SPIRE2: variants seen among roughly 807,000 people sequenced by gnomAD.
SPIRE2 encodes spire type actin nucleation factor 2.
In SPIRE2, 76 loss-of-function variants were observed where a neutral mutation model predicts 80.7. That is an observed-to-expected ratio of 0.94 (90% confidence interval 0.78 to 1.14). The LOEUF is 1.14. Among genes scored for constraint, SPIRE2 ranks in the 50% most tolerant of loss-of-function variants. SPIRE2 has a pLI of 0.00. For missense variants in SPIRE2, 1,196 were observed against 1,015.3 expected (o/e 1.18, Z -2.42); for synonymous variants, 535 against 432.6 (o/e 1.24, Z -2.94).
intron 12 of SPIRE2, among the ~76,000 whole-genome samples, chr16:89,867,136 T>C (rs1283985974): frequency 1.3e-5 from 2 of 151,710 alleles, no homozygotes; most frequent in African/African-American, 4.8e-5. Context: ...TTTTTGTTGT[T>C]GTTGTTGTTT....
chr16:89,833,006 TG>T (rs71137681), intron 1 of SPIRE2, among the ~76,000 whole-genome samples: 9,590 of 45,178 alleles, frequency 0.21, 546 homozygotes, highest in East Asian at 0.53. Context: ...TTTTTTTTTT[TG>T]TGAGACAGAG....
chr16:89,831,382 A>T (rs1354996554), intron 1 of SPIRE2, among the ~76,000 whole-genome samples: 37 of 145,188 alleles, frequency 2.5e-4, no homozygotes, highest in African/African-American at 9.0e-4. Flanking sequence ...TGGATGCTAA[A>T]CTTTTTTTCT....
At chr16:89,857,759 G>C (rs1489788884) in intron 7 of SPIRE2, among the ~76,000 whole-genome samples, 1 of 151,662 alleles carries the variant, frequency 6.6e-6, no homozygotes, top group African/African-American at 2.4e-5. Context: ...TAGTAGAGAC[G>C]GGGTTTCTCC....
chr16:89,860,536 C>T lies in SPIRE2; in HGVS notation c.1463-147C>T, dbSNP rs2041733541. Reference sequence around the variant, plus strand: ...CGGCCTCCTAAGTGCTAGAACTGCCCGTGTAGCTACTGCCCGGCCGCTTCT... The same window carrying T: ...CGGCCTCCTAAGTGCTAGAACTGCCTGTGTAGCTACTGCCCGGCCGCTTCT... On this transcript the variant is annotated intron_variant, in intron 9 of 14. Transcript: ENST00000378247. 3 of 603,532 alleles carry T rather than the reference C, an allele frequency of 5.0e-6. No homozygotes were observed. The East Asian group carries it at 9.5e-5, about 19-fold the overall frequency. The allele number at this position is 603,532 out of a possible 1,614,324, so 37.4% of individuals were successfully genotyped here. A position where few individuals can be genotyped will look rare whatever the true frequency, so the allele number is the denominator to read the frequency against.
At chr16:89,838,164 ATTTTTTTTT>A (rs34507409) in intron 1 of SPIRE2, among the ~76,000 whole-genome samples, 55 of 87,516 alleles carry the variant, frequency 6.3e-4, no homozygotes, top group Admixed American at 2.5e-3. Context: ...CACGCTCAGC[ATTTTTTTTT>A]TTTTTTTTTT....
At chr16:89,864,089 G>T (rs1405393506) in intron 12 of SPIRE2, among the ~76,000 whole-genome samples, 2 of 152,168 alleles carry the variant, frequency 1.3e-5, no homozygotes, top group Non-Finnish European at 2.9e-5. Flanking sequence ...CCAAGATGGG[G>T]TAATAGGCAT....
In SPIRE2 at chr16:89,831,129, T is replaced by C. The variant is rs1226639324; in HGVS notation, c.244+2335T>C. 1.3e-5 allele frequency among the ~76,000 whole-genome samples: 2 copies of C among 150,598 alleles called. 1 individual carries two copies. The highest frequency in any genetic ancestry group is 3.0e-5 in the Non-Finnish European group (2 of 67,156). The stretch of plus-strand genomic sequence containing the variant: ...TTTCACCGTGTTAGCCAGGATGGTC[T>C]CGATCTCCTGACCTCGTGATCTGCC... On this transcript the variant is annotated intron_variant, in intron 1 of 14. Transcript: ENST00000378247.
intron 1 of SPIRE2, among the ~76,000 whole-genome samples, chr16:89,844,251 C>T (rs1396680892): frequency 6.6e-6 from 1 of 152,066 alleles, no homozygotes; most frequent in Non-Finnish European, 1.5e-5. Context: ...CACCTGCAGC[C>T]TCCATCTCCT....
intron 12 of SPIRE2, among the ~76,000 whole-genome samples, chr16:89,867,393 T>G (rs762620143): frequency 5.3e-5 from 8 of 152,094 alleles, no homozygotes; most frequent in Non-Finnish European, 8.8e-5. Context: ...TCCACCTGCC[T>G]TGGCCTCCCA....
intron 1 of SPIRE2, among the ~76,000 whole-genome samples, chr16:89,831,443 G>A (rs1205623542): frequency 1.4e-5 from 2 of 147,166 alleles, no homozygotes; most frequent in African/African-American, 2.5e-5. Flanking sequence ...TGTCGCCCAG[G>A]CTGGAGTGCA....
intron 12 of SPIRE2, among the ~76,000 whole-genome samples, chr16:89,864,467 TCACTGGACA>T (rs2041772068): frequency 6.6e-6 from 1 of 152,228 alleles, no homozygotes; most frequent in South Asian, 2.1e-4. Flanking sequence ...AAGTAAAATC[TCACTGGACA>T]CAGCCACACC....
In SPIRE2 at chr16:89,859,372, C is replaced by A; in HGVS notation, c.1462+18C>A. On this transcript the variant is annotated intron_variant, in intron 9 of 14. Transcript: ENST00000378247. ...AGACCAGGGCAAGTGCTGCTTCTCA[C>A]CCCCGTACCCTCCTTCGCCCCCACC... 6.8e-7 allele frequency: 1 copy of A among 1,466,026 alleles called. No individual in the cohort carries two copies. The highest frequency in any genetic ancestry group is 9.0e-7 in the Non-Finnish European group (1 of 1,105,714). The allele number at this position is 1,466,026 out of a possible 1,614,324, so 90.8% of individuals were successfully genotyped here.
rs1012614211 is a variant in SPIRE2, at chr16:89,859,837, A to G, written c.1462+483A>G. Among the ~76,000 whole-genome samples, 26 of 152,030 alleles carry G rather than the reference A, an allele frequency of 1.7e-4. 1 individual carries two copies. The highest frequency in any genetic ancestry group is 5.8e-4 in the African/African-American group (24 of 41,390). On this transcript the variant is annotated intron_variant, in intron 9 of 14. Coordinates refer to ENST00000378247, the MANE Select transcript of SPIRE2 (RefSeq NM_032451.2). The stretch of plus-strand genomic sequence containing the variant: ...CCTACCACCGTGAGGGCTGAACTTT[A>G]CGGAGAGCCCTCGCGACTCAGGGTT...
chr16:89,842,322 C>T (rs750352330), intron 1 of SPIRE2, among the ~76,000 whole-genome samples: 3 of 145,284 alleles, frequency 2.1e-5, no homozygotes, highest in African/African-American at 5.2e-5. Flanking sequence ...AAGCGATTCT[C>T]CTCTCTCAGC....
chr16:89,860,918 TC>T (rs775978386), intron 10 of SPIRE2, 123 bp downstream of exon 10: 3 of 602,064 alleles, frequency 5.0e-6, no homozygotes, highest in Non-Finnish European at 8.1e-6. Flanking sequence ...GGCCTGAGCG[TC>T]CGTCTGGGGG....
At chr16:89,866,227 G>C (rs973389813) in intron 12 of SPIRE2, among the ~76,000 whole-genome samples, 6 of 152,154 alleles carry the variant, frequency 3.9e-5, no homozygotes, top group Non-Finnish European at 7.4e-5. Context: ...CTGGAGGATG[G>C]AAACCATTAC....
At chr16:89,844,131 G>C (rs984636511) in intron 1 of SPIRE2, among the ~76,000 whole-genome samples, 19 of 151,332 alleles carry the variant, frequency 1.3e-4, no homozygotes, top group South Asian at 4.2e-4. Context: ...ACAGGCACCT[G>C]CCACCACGCC....
chr16:89,869,057 T>A (rs868608861), intron 13 of SPIRE2, among the ~76,000 whole-genome samples: 477 of 38,094 alleles, frequency 0.013, 7 homozygotes, highest in African/African-American at 0.035. Flanking sequence ...AAAAAAAATA[T>A]ATATATATAT....
At chr16:89,862,742 A>G (rs986538715) in intron 10 of SPIRE2, 24 of 152,348 alleles carry the variant, frequency 1.6e-4, no homozygotes, top group African/African-American at 5.8e-4. Context: ...AGGACAACCC[A>G]CTGCAAATCC....
Sources: allele counts gnomAD v4.1 joint callset (sites outside exome capture counted in the v4.1 genomes callset), GRCh38; gene constraint gnomAD v4.1.1; transcripts MANE v1.5; gene names NCBI Gene and HGNC (gene_info 2026-07-23, HGNC 2026-07-21).